The following TMEM232 variants were observed in gnomAD, a reference collection of about 807,000 sequenced individuals.
TMEM232 encodes transmembrane protein 232.
Under a neutral mutation model 78.8 loss-of-function variants are expected in TMEM232, and 80 were observed. That is an observed-to-expected ratio of 1.01 (90% CI 0.85 to 1.22). The LOEUF (loss-of-function observed/expected upper bound fraction) is 1.22. TMEM232 is among the 50% of genes most tolerant of loss of function. TMEM232 has a pLI of 0.00. For missense variants in TMEM232, 881 were observed against 742.2 expected, an observed-to-expected ratio of 1.19 and a Z score of -2.17; for synonymous variants, 297 against 254.3, an observed-to-expected ratio of 1.17 and a Z score of -1.60.
intron 12 of TMEM232, 33 bp from the exon 13 acceptor site, chr5:110,424,949 AG>A: frequency 1.4e-6 from 2 of 1,432,160 alleles, no homozygotes; most frequent in Non-Finnish European, 1.9e-6. Context: ...ATCCAACATT[AG>A]GTATAGGTAC....
intron 12 of TMEM232, among the ~76,000 whole-genome samples, chr5:110,496,300 C>CT (rs1765637905): frequency 6.6e-6 from 1 of 151,920 alleles, no homozygotes; most frequent in Non-Finnish European, 1.5e-5. Context: ...ACAAGTGTTA[C>CT]TTTTTCATAT....
intron 12 of TMEM232, among the ~76,000 whole-genome samples, chr5:110,472,469 C>A (rs1027381228): frequency 6.6e-6 from 1 of 151,716 alleles, no homozygotes; most frequent in Non-Finnish European, 1.5e-5. Context: ...GTCCATACTC[C>A]CAAAATTATT....
At chr5:110,418,968 C>A (rs1756397500), downstream of TMEM232, among the ~76,000 whole-genome samples, 2 of 152,094 alleles carry the variant, frequency 1.3e-5, no homozygotes. Context: ...GAAGGACGTT[C>A]AGAGTTTGGT....
At chr5:110,401,283 C>CTTTTTTTTTTTTTTTTTT (rs1278936876) in intron 2 of TMEM232, among the ~76,000 whole-genome samples, 18 of 144,008 alleles carry the variant, frequency 1.2e-4, no homozygotes, top group African/African-American at 4.7e-4. Flanking sequence ...ACACAACATT[C>CTTTTTTTTTTTTTTTTTT]TTTTTTTTTT....
intron 12 of TMEM232, among the ~76,000 whole-genome samples, chr5:110,502,212 C>T (rs1299151490): frequency 6.6e-6 from 1 of 151,940 alleles, no homozygotes; most frequent in African/African-American, 2.4e-5. Context: ...GATTCCAATC[C>T]CATCAAATGC....
intron 2 of TMEM232, among the ~76,000 whole-genome samples, chr5:110,649,814 T>TA: frequency 6.6e-6 from 1 of 152,216 alleles, no homozygotes; most frequent in East Asian, 1.9e-4. Context: ...GTCTTTTTAT[T>TA]AAAAAATCAA....
chr5:110,685,670 T>A (rs754061534), intron 1 of TMEM232, among the ~76,000 whole-genome samples: 1 of 152,094 alleles, frequency 6.6e-6, no homozygotes, highest in Non-Finnish European at 1.5e-5. Flanking sequence ...ATGAAAACAC[T>A]GTCATAAAAA....
intron 10 of TMEM232, among the ~76,000 whole-genome samples, chr5:110,569,782 C>A (rs1776737849): frequency 6.6e-6 from 1 of 151,848 alleles, no homozygotes; most frequent in South Asian, 2.1e-4. Flanking sequence ...GTTCTCACTA[C>A]AATCCTGCTA....
intron 12 of TMEM232, among the ~76,000 whole-genome samples, chr5:110,481,765 T>A (rs1275207817): frequency 6.6e-6 from 1 of 152,182 alleles, no homozygotes; most frequent in African/African-American, 2.4e-5. Context: ...GACTCGTTGG[T>A]CTTTTACATC....
At chr5:110,418,982 G>C (rs151252092), downstream of TMEM232, among the ~76,000 whole-genome samples, 3 of 152,278 alleles carry the variant, frequency 2.0e-5, no homozygotes, top group Non-Finnish European at 4.4e-5. Context: ...GTTTGGTAAG[G>C]CTCATGTCAC....
intron 11 of TMEM232, among the ~76,000 whole-genome samples, chr5:110,549,171 C>A (rs895796101): frequency 6.6e-6 from 1 of 151,642 alleles, no homozygotes; most frequent in Non-Finnish European, 1.5e-5. Context: ...GGAAAATACA[C>A]AAATCTATGA....
chr5:110,606,272 C>T lies in TMEM232; in HGVS notation c.918G>A (p.Leu306=), dbSNP rs751167798. 1.0e-5 allele frequency: 16 copies of T among 1,534,672 alleles called. No individual in the cohort carries two copies. Among genetic ancestry groups the T allele is most frequent in the Non-Finnish European group, 1.4e-5 (16 of 1,136,000 alleles). Residue 306 remains leucine, a synonymous_variant, in exon 9 of 14, where the codon CTG becomes CTA. Transcript: ENST00000455884. ...CAGCCTCCCCAAGGACCAGTAAAGC[C>T]AGTACTGAATCCAACCTGAAAATTT... ...LQKKCWLDSV[L]ALLVLGEAAK...
intron 12 of TMEM232, among the ~76,000 whole-genome samples, chr5:110,456,258 C>A (rs1477268769): frequency 6.6e-6 from 1 of 151,954 alleles, no homozygotes; most frequent in Non-Finnish European, 1.5e-5. Flanking sequence ...AATTGTAATT[C>A]TATACACTAG....
intron 11 of TMEM232, among the ~76,000 whole-genome samples, chr5:110,559,083 A>G (rs572186881): frequency 2.6e-4 from 39 of 152,270 alleles, no homozygotes; most frequent in African/African-American, 9.1e-4. Context: ...TCCTAGCTAC[A>G]TCTAGTCAGC....
chr5:110,629,333 AT>A (rs1235513092), intron 5 of TMEM232, among the ~76,000 whole-genome samples: 1 of 152,168 alleles, frequency 6.6e-6, no homozygotes, highest in Non-Finnish European at 1.5e-5. Flanking sequence ...TTATATCTCA[AT>A]TTGGTCATGG....
chr5:110,571,822 T>C (rs996812434), intron 10 of TMEM232, among the ~76,000 whole-genome samples: 1 of 151,590 alleles, frequency 6.6e-6, no homozygotes, highest in African/African-American at 2.4e-5. Context: ...TAAAAAAAAA[T>C]AGATAAGGTA....
At chr5:110,624,768 CT>C (rs1784198911) in intron 7 of TMEM232, among the ~76,000 whole-genome samples, 1 of 151,868 alleles carries the variant, frequency 6.6e-6, no homozygotes, top group Non-Finnish European at 1.5e-5. Flanking sequence ...TTAGAAAGGG[CT>C]TATAGGAAGC....
chr5:110,456,448 T>C (rs1760909422), intron 12 of TMEM232, among the ~76,000 whole-genome samples: 1 of 152,012 alleles, frequency 6.6e-6, no homozygotes, highest in Non-Finnish European at 1.5e-5. Flanking sequence ...AAGGAGTAAA[T>C]ATTGTGAAGA....
At chr5:110,493,326 C>T (rs1217122207) in intron 12 of TMEM232, among the ~76,000 whole-genome samples, 3 of 150,080 alleles carry the variant, frequency 2.0e-5, no homozygotes, top group Non-Finnish European at 4.4e-5. Context: ...TCAAGAAACA[C>T]CAGTCTAATT....
Sources: gnomAD v4.1 joint callset for allele counts (sites outside exome capture counted in the v4.1 genomes callset) on GRCh38, gnomAD v4.1.1 for gene constraint, MANE v1.5 for transcripts, NCBI Gene and HGNC (gene_info 2026-07-23, HGNC 2026-07-21) for gene names.